Variants in ELP3 observed in about 807,000 individuals in gnomAD.
ELP3 encodes the protein elongator acetyltransferase complex subunit 3, also known as elongator complex protein 3.
A neutral mutation model predicts 74.9 loss-of-function variants in ELP3; 56 were observed. The ratio of observed to expected loss-of-function variants is 0.75; its 90% confidence interval spans 0.60 to 0.93. The LOEUF (loss-of-function observed/expected upper bound fraction) is 0.93, where lower values mean the gene tolerates loss of function less well. Among genes scored for constraint, ELP3 ranks in the 40% least tolerant of loss-of-function variants. The probability of loss-of-function intolerance (pLI) is 0.00; values close to 1 mark genes in which losing one functional copy is unlikely to be tolerated. For missense variants in ELP3, 573 were observed against 686.5 expected, an observed-to-expected ratio of 0.83 and a Z score of 1.85; for synonymous variants, 222 against 239.8, an observed-to-expected ratio of 0.93 and a Z score of 0.68.
intron 13 of ELP3, among the ~76,000 whole-genome samples, chr8:28,161,610 GAAA>G (rs1163846087): frequency 0.089 from 5,363 of 60,548 alleles, 135 homozygotes; most frequent in Middle Eastern, 0.17. Flanking sequence ...CGTCTCAAGA[GAAA>G]AAAAAAAAAA....
chr8:28,113,127 GATGCCTT>G lies in ELP3; in HGVS notation c.574_580del (p.Ala192GlnfsTer35). 1.3e-5 allele frequency: 21 copies of G among 1,613,864 alleles called. No individual in the cohort carries two copies. The highest frequency in any genetic ancestry group is 1.8e-5 in the Non-Finnish European group (21 of 1,179,900). On this transcript the variant is annotated frameshift_variant, in exon 7 of 15. Coordinates refer to ENST00000256398, the MANE Select transcript of ELP3 (RefSeq NM_018091.6). LOFTEE classifies it high-confidence loss of function. Reference sequence around the variant, plus strand: ...AGATTATTTTATTCGAAATTTACATGATGCCTTATCAGGACATACTTCCAACAATATT... The same window carrying G: ...AGATTATTTTATTCGAAATTTACATGATCAGGACATACTTCCAACAATATT...
intron 9 of ELP3, among the ~76,000 whole-genome samples, chr8:28,134,870 C>T (rs997746224): frequency 8.6e-5 from 13 of 150,806 alleles, no homozygotes; most frequent in Middle Eastern, 3.5e-3. Flanking sequence ...TTTTGGTTGG[C>T]CCCTTAATGT....
intron 11 of ELP3, among the ~76,000 whole-genome samples, chr8:28,157,941 T>C (rs1385472241): frequency 2.0e-5 from 3 of 151,902 alleles, no homozygotes; most frequent in Admixed American, 6.6e-5. Context: ...CTTCAAAGTA[T>C]GTAATACATA....
At chr8:28,143,586 A>T (rs1813325108) in intron 10 of ELP3, among the ~76,000 whole-genome samples, 1 of 152,208 alleles carries the variant, frequency 6.6e-6, no homozygotes, top group African/African-American at 2.4e-5. Context: ...TATAAACTTA[A>T]TGGCAGCATA....
At chr8:28,169,378 G>A (rs1346922262) in intron 14 of ELP3, among the ~76,000 whole-genome samples, 5 of 152,186 alleles carry the variant, frequency 3.3e-5, no homozygotes, top group Non-Finnish European at 7.3e-5. Context: ...GCATAGAGGG[G>A]ATGGTTCCTG....
At chr8:28,119,349 C>T (rs549520955) in intron 7 of ELP3, among the ~76,000 whole-genome samples, 3 of 151,984 alleles carry the variant, frequency 2.0e-5, no homozygotes, top group South Asian at 2.1e-4. Flanking sequence ...CTAGATTCTA[C>T]GATACTTGCT....
At chr8:28,178,074 G>A (rs1007739418) in intron 14 of ELP3, among the ~76,000 whole-genome samples, 1 of 152,182 alleles carries the variant, frequency 6.6e-6, no homozygotes, top group East Asian at 1.9e-4. Context: ...ACTGGAAGCT[G>A]TAACAAATAG....
intron 14 of ELP3, among the ~76,000 whole-genome samples, chr8:28,186,151 T>C (rs751903956): frequency 1.3e-4 from 19 of 151,776 alleles, no homozygotes; most frequent in Non-Finnish European, 2.6e-4. Context: ...AGACAGAAAG[T>C]AGAACGGGGG....
At chr8:28,124,988 A>C (rs1812516093) in intron 7 of ELP3, among the ~76,000 whole-genome samples, 1 of 152,240 alleles carries the variant, frequency 6.6e-6, no homozygotes, top group Non-Finnish European at 1.5e-5. Flanking sequence ...TTATTTTTAA[A>C]TCCTCAAGCA....
rs1224945357 is a variant in ELP3, at chr8:28,190,578, T to TC, written c.*853_*854insC. ...CACAGAAGCCATTACTTGCAATTTT[T>TC]TTTTTTTTTCTGAGAAAGTCTCGCT... On this transcript the variant is annotated 3_prime_UTR_variant, in exon 15 of 15. Coordinates refer to ENST00000256398, the MANE Select transcript of ELP3 (RefSeq NM_018091.6). 2 of 151,624 alleles carry TC rather than the reference T, an allele frequency of 1.3e-5. No homozygotes were observed. The highest frequency in any genetic ancestry group is 4.8e-5 in the African/African-American group (2 of 41,246). The allele number at this position is 151,624 out of a possible 1,614,324, so 9.4% of individuals were successfully genotyped here.
chr8:28,115,313 G>T (rs931505598), intron 7 of ELP3, among the ~76,000 whole-genome samples: 1 of 152,212 alleles, frequency 6.6e-6, no homozygotes, highest in African/African-American at 2.4e-5. Flanking sequence ...CCTCATGGGA[G>T]AGTTGTGGAT....
intron 14 of ELP3, among the ~76,000 whole-genome samples, chr8:28,164,029 C>A (rs1814210133): frequency 6.6e-6 from 1 of 152,214 alleles, no homozygotes; most frequent in African/African-American, 2.4e-5. Context: ...GTGCTACACT[C>A]CCAGAGTCTG....
At chr8:28,152,696 C>T (rs934041985) in intron 10 of ELP3, among the ~76,000 whole-genome samples, 4 of 152,198 alleles carry the variant, frequency 2.6e-5, no homozygotes, top group African/African-American at 9.7e-5. Context: ...ATCCCAGCTA[C>T]TCAGGAGGCT....
chr8:28,090,428 AC>A, upstream of ELP3: 1 of 284,136 alleles, frequency 3.5e-6, no homozygotes, highest in Non-Finnish European at 6.8e-6. Context: ...CAAGTCTGGA[AC>A]CCAGGCTGTT....
chr8:28,101,589 T>C (rs976710320), intron 3 of ELP3, among the ~76,000 whole-genome samples: 2 of 111,456 alleles, frequency 1.8e-5, no homozygotes, highest in African/African-American at 7.6e-5. Flanking sequence ...GTCTTGACTT[T>C]CTTTTTTTTT....
intron 10 of ELP3, among the ~76,000 whole-genome samples, chr8:28,152,578 G>C (rs1227222553): frequency 6.6e-6 from 1 of 152,218 alleles, no homozygotes; most frequent in Non-Finnish European, 1.5e-5. Context: ...GGCCGAGGCA[G>C]GTGGATCACC....
Position 28,146,603 on chromosome 8 carries a change from TAGTC to T in ELP3, c.1100+8716_1100+8719del, listed in dbSNP as rs1813442612. Among the ~76,000 whole-genome samples, 2 of 152,226 alleles carry T rather than the reference TAGTC, an allele frequency of 1.3e-5. 1 individual carries two copies. Among genetic ancestry groups the T allele is most frequent in the South Asian group, 4.1e-4 (2 of 4,832 alleles). On this transcript the variant is annotated intron_variant, in intron 10 of 14. Coordinates refer to ENST00000256398, the MANE Select transcript of ELP3 (RefSeq NM_018091.6). ...CCTAGATGAATGCAGCAAGCTCAGATAGTCAGTAATCTCATCTAGGTTTTCAACT... is the reference window on the plus strand; with the variant it reads ...CCTAGATGAATGCAGCAAGCTCAGATAGTAATCTCATCTAGGTTTTCAACT...
At chr8:28,137,570 C>T in intron 9 of ELP3, 128 bp from the exon 10 acceptor site, 2 of 814,470 alleles carry the variant, frequency 2.5e-6, no homozygotes, top group Admixed American at 5.4e-5. Flanking sequence ...TACGCCCTAC[C>T]TGGTCAGAAG....
At chr8:28,187,493 C>T (rs1815285841) in intron 14 of ELP3, among the ~76,000 whole-genome samples, 2 of 152,214 alleles carry the variant, frequency 1.3e-5, no homozygotes, top group Admixed American at 6.5e-5. Flanking sequence ...TTCCATCTCA[C>T]TCAGAATAAA....
Sources: gnomAD v4.1 joint callset for allele counts (sites outside exome capture counted in the v4.1 genomes callset) on GRCh38, gnomAD v4.1.1 for gene constraint, MANE v1.5 for transcripts, NCBI Gene and HGNC (gene_info 2026-07-23, HGNC 2026-07-21) for gene names.